Variants in MTOR observed in about 807,000 individuals in gnomAD.
MTOR encodes the protein mechanistic target of rapamycin kinase, also known as serine/threonine-protein kinase mTOR.
A neutral mutation model predicts 319.8 loss-of-function variants in MTOR; 70 were observed. The observed-to-expected ratio is 0.22, with a 90% CI of 0.18 to 0.27. The LOEUF is 0.27. Ranked by LOEUF, MTOR falls within the 10% of genes least tolerant of loss-of-function variation. MTOR has a pLI of 1.00. For missense variants in MTOR, 1,890 were observed against 3,274.4 expected (o/e 0.58, Z 10.32); for synonymous variants, 1,183 against 1,211.4 (o/e 0.98, Z 0.49).
chr1:11,199,156 G>A lies in MTOR; in HGVS notation c.4253+102C>T. ...GCCAGACCCAGAGGCAGATTTCACA[G>A]AGCAGAAGTCTTCAAGTGACTCCAG... On this transcript the variant is annotated intron_variant, in intron 28 of 57. Coordinates refer to ENST00000361445, the MANE Select transcript of MTOR (RefSeq NM_004958.4). This position sits in a 1 kb window ranked among gnomAD's most constrained non-coding sequence, Gnocchi z 4.5. 3.4e-6 allele frequency: 5 copies of A among 1,475,748 alleles called. No individual in the cohort carries two copies. Among genetic ancestry groups the A allele is most frequent in the Non-Finnish European group, 4.7e-6 (5 of 1,063,938 alleles). 91.4% of individuals were successfully genotyped at this position (1,475,748 alleles called of 1,614,324 possible). A position where few individuals can be genotyped will look rare whatever the true frequency, so the allele number is the denominator to read the frequency against.
rs556021096 is a variant in MTOR, at chr1:11,192,701, C to T, written c.4253+6557G>A. ...CAGAGGTTGCAGTGAGCCGAGATCACGCCACTGCACTATAATCTGGGAGAC... is the reference window on the plus strand; with the variant it reads ...CAGAGGTTGCAGTGAGCCGAGATCATGCCACTGCACTATAATCTGGGAGAC... On this transcript the variant is annotated intron_variant, in intron 28 of 57. Coordinates refer to ENST00000361445, the MANE Select transcript of MTOR (RefSeq NM_004958.4). 7.5e-5 allele frequency among the ~76,000 whole-genome samples: 11 copies of T among 147,374 alleles called. 1 individual carries two copies. The East Asian group carries it at 1.2e-3, about 16-fold the overall frequency.
chr1:11,200,887 G>A (rs1234808804), intron 26 of MTOR, among the ~76,000 whole-genome samples: 1 of 151,794 alleles, frequency 6.6e-6, no homozygotes, highest in Non-Finnish European at 1.5e-5. Flanking sequence ...CGGTGGTGGT[G>A]GCCTGTAGTC....
chr1:11,235,974 G>A (rs1284821101), intron 13 of MTOR, among the ~76,000 whole-genome samples: 1 of 150,774 alleles, frequency 6.6e-6, no homozygotes, highest in African/African-American at 2.4e-5. Flanking sequence ...GAGCGAGACT[G>A]TGTCTCAAAA....
At chr1:11,151,081 C>T (rs1186059411) in intron 30 of MTOR, among the ~76,000 whole-genome samples, 2 of 152,112 alleles carry the variant, frequency 1.3e-5, no homozygotes, top group Admixed American at 6.5e-5. Flanking sequence ...TTCTAAGTGG[C>T]CCAGGTCAGA....
At chr1:11,247,062 G>A (rs957547771) in intron 8 of MTOR, among the ~76,000 whole-genome samples, 5 of 152,176 alleles carry the variant, frequency 3.3e-5, no homozygotes, top group African/African-American at 1.2e-4. Flanking sequence ...CATGGTTAAG[G>A]GCGGAGGTGG....
At position 11,145,529 on chromosome 1, in the gene MTOR, C is replaced by A. The variant is rs548910071; in HGVS notation, c.4687-484G>T. On this transcript the variant is annotated intron_variant, in intron 32 of 57. Transcript: ENST00000361445. The stretch of plus-strand genomic sequence containing the variant: ...GTAGCTGGGATGCTGGGGTTACAGG[C>A]GCCCGCCACCACGCCCAGCTAATTT... Among the ~76,000 whole-genome samples the A allele has an allele frequency of 2.6e-5, 4 of 151,836 alleles. No homozygotes were observed. The East Asian group carries it at 7.8e-4, about 30-fold the overall frequency.
chr1:11,225,894 T>A (rs1365574187), intron 19 of MTOR, among the ~76,000 whole-genome samples: 2 of 151,890 alleles, frequency 1.3e-5, no homozygotes, highest in Admixed American at 1.3e-4. Context: ...AACAGCTTCC[T>A]AAAAAAAAGT....
intron 34 of MTOR, among the ~76,000 whole-genome samples, chr1:11,140,520 TCCCCGGC>T (rs1036785333): frequency 1.1e-4 from 16 of 152,128 alleles, no homozygotes; most frequent in African/African-American, 3.6e-4. Context: ...TACTCACCGG[TCCCCGGC>T]CCCGGGTCTG....
intron 28 of MTOR, chr1:11,189,350 C>T (rs1234023667): frequency 5.9e-6 from 3 of 511,720 alleles, no homozygotes; most frequent in East Asian, 3.4e-5. Flanking sequence ...ACTTGTGGAG[C>T]ATTCGGGCTT....
In MTOR at chr1:11,231,284, T is replaced by A. The variant is rs566137528; in HGVS notation, c.2649+16A>T. On this transcript the variant is annotated intron_variant, in intron 17 of 57. Coordinates refer to ENST00000361445, the MANE Select transcript of MTOR (RefSeq NM_004958.4). Reference sequence around the variant, plus strand: ...CCAGCAAAGTCTTTAAAGACCAAGTTTGCCACGTCCCCTACCTCTCTGCGT... The same window carrying A: ...CCAGCAAAGTCTTTAAAGACCAAGTATGCCACGTCCCCTACCTCTCTGCGT... 4 of 1,613,680 alleles carry A rather than the reference T, an allele frequency of 2.5e-6. No homozygotes were observed. The African/African-American group carries it at 5.3e-5, about 22-fold the overall frequency.
At chr1:11,192,955 C>A (rs28991005) in intron 28 of MTOR, among the ~76,000 whole-genome samples, 1 of 152,112 alleles carries the variant, frequency 6.6e-6, no homozygotes, top group East Asian at 1.9e-4. Context: ...AAATCTCTTG[C>A]CATGTCCTAG....
intron 28 of MTOR, among the ~76,000 whole-genome samples, chr1:11,181,944 G>A (rs922078135): frequency 1.6e-4 from 25 of 152,196 alleles, no homozygotes; most frequent in Non-Finnish European, 8.8e-5. Context: ...GAGGCCAGGT[G>A]CAGTGGCTCA....
At chr1:11,111,817 G>A (rs1641895157) in intron 54 of MTOR, 1 of 151,384 alleles carries the variant, frequency 6.6e-6, no homozygotes, top group African/African-American at 2.4e-5. Flanking sequence ...TTGTAGAAAA[G>A]ATATACTTTT....
In MTOR at chr1:11,199,504, T is replaced by G. The variant is rs764362129; in HGVS notation, c.4107+37A>C. Reference sequence around the variant, plus strand: ...TCTCTCCTCCCACCAGCTGGTTCCCTGTCAGCCTCCATCTGGACAATGGGG... The same window carrying G: ...TCTCTCCTCCCACCAGCTGGTTCCCGGTCAGCCTCCATCTGGACAATGGGG... On this transcript the variant is annotated intron_variant, in intron 27 of 57. Transcript: ENST00000361445. This position sits in a 1 kb window ranked among gnomAD's most constrained non-coding sequence, Gnocchi z 4.5. The G allele has an allele frequency of 3.2e-5, 51 of 1,613,740 alleles. 1 individual carries two copies. Among genetic ancestry groups the G allele is most frequent in the Middle Eastern group, 1.6e-4 (1 of 6,084 alleles).
chr1:11,212,155 CAATA>C lies in MTOR; in HGVS notation c.3561+153_3561+156del, dbSNP rs1646333809. 1.3e-5 allele frequency among the ~76,000 whole-genome samples: 2 copies of C among 152,128 alleles called. No individual in the cohort carries two copies. The highest frequency in any genetic ancestry group is 4.8e-5 in the African/African-American group (2 of 41,422). On this transcript the variant is annotated intron_variant, in intron 23 of 57. Coordinates refer to ENST00000361445, the MANE Select transcript of MTOR (RefSeq NM_004958.4). The surrounding 1 kb of genome is among the most constrained non-coding windows in gnomAD (Gnocchi z 4.1). ...CGGCACTTAGCTCACATAGGTTGCT[CAATA>C]AATGTTTGCTGAACACATGAAAAGA... is the stretch of plus-strand genomic sequence containing the variant.
intron 18 of MTOR, among the ~76,000 whole-genome samples, chr1:11,230,121 TA>T (rs35067541): frequency 0.64 from 93,323 of 144,724 alleles, 31,511 homozygotes; most frequent in East Asian, 0.91. Context: ...AACAAACCTT[TA>T]AAAAAAAAAA....
rs1647016307 is a variant in MTOR, at chr1:11,231,549, G to A, written c.2515-115C>T. Reference sequence around the variant, plus strand: ...GTTAGAGGCTGTAAGAAGAAAAGAGGTTTCCAGTAAAGACACTAACCATGA... The same window carrying A: ...GTTAGAGGCTGTAAGAAGAAAAGAGATTTCCAGTAAAGACACTAACCATGA... On this transcript the variant is annotated intron_variant, in intron 16 of 57. Transcript: ENST00000361445. The A allele has an allele frequency of 5.3e-6, 7 of 1,327,172 alleles. No individual in the cohort carries two copies. The South Asian group carries it at 7.5e-5, about 14-fold the overall frequency. 82.2% of individuals were successfully genotyped at this position (1,327,172 alleles called of 1,614,324 possible). A position where few individuals can be genotyped will look rare whatever the true frequency, so the allele number is the denominator to read the frequency against.
Position 11,194,728 on chromosome 1 carries a change from G to A in MTOR, c.4253+4530C>T. 4.4e-6 allele frequency: 7 copies of A among 1,608,498 alleles called. No individual in the cohort carries two copies. The South Asian group carries it at 6.6e-5, about 15-fold the overall frequency. ...TCATAATCCCACTTGAGGAGAAAGA[G>A]TGAATTATAACTGTACAGTTGATAT... On this transcript the variant is annotated intron_variant, in intron 28 of 57. Coordinates refer to ENST00000361445, the MANE Select transcript of MTOR (RefSeq NM_004958.4).
chr1:11,156,833 C>T (rs1025270971), intron 30 of MTOR, among the ~76,000 whole-genome samples: 41 of 152,130 alleles, frequency 2.7e-4, no homozygotes, highest in Non-Finnish European at 4.0e-4. Flanking sequence ...ATCAAGGTTG[C>T]CAAGTAAGAA....
Sources: gnomAD v4.1 joint callset for allele counts (sites outside exome capture counted in the v4.1 genomes callset) on GRCh38, gnomAD v4.1.1 for gene constraint, Gnocchi (gnomAD v3.1) non-coding constraint, MANE v1.5 for transcripts, NCBI Gene and HGNC (gene_info 2026-07-23, HGNC 2026-07-21) for gene names.